KCNN2: variants seen among roughly 807,000 people sequenced by gnomAD.
The protein encoded by KCNN2 is small conductance calcium-activated potassium channel protein 2.
In KCNN2, 24 loss-of-function variants were observed where a neutral mutation model predicts 55.5. That is an observed-to-expected ratio of 0.43 (90% confidence interval 0.31 to 0.61). The LOEUF (loss-of-function observed/expected upper bound fraction) is 0.61. KCNN2 is among the 20% of genes least tolerant of loss of function. KCNN2 has a pLI of 0.08. For synonymous variants in KCNN2, 431 were observed against 336.1 expected (o/e 1.28, Z -3.09); for missense variants, 754 against 853.6 (o/e 0.88, Z 1.45).
intron 2 of KCNN2, among the ~76,000 whole-genome samples, chr5:114,322,252 ATTC>A (rs1756628016): frequency 6.6e-6 from 1 of 152,220 alleles, no homozygotes; most frequent in African/African-American, 2.4e-5. Context: ...AGACATTAAA[ATTC>A]TTCTAGACCA....
chr5:114,495,068 C>T (rs1280407841), intron 7 of KCNN2, among the ~76,000 whole-genome samples: 1 of 152,122 alleles, frequency 6.6e-6, no homozygotes, highest in African/African-American at 2.4e-5. Context: ...CTCTTTGTCT[C>T]TTGGCTACTC....
chr5:114,171,559 A>G (rs967906633), intron 1 of KCNN2, among the ~76,000 whole-genome samples: 1 of 151,830 alleles, frequency 6.6e-6, no homozygotes, highest in African/African-American at 2.4e-5. Flanking sequence ...TATGTTTAGG[A>G]CTTATCGCTC....
intron 1 of KCNN2, among the ~76,000 whole-genome samples, chr5:114,177,556 G>A (rs10066191): frequency 0.89 from 134,378 of 151,640 alleles, 59,580 homozygotes; most frequent in East Asian, 0.94. Flanking sequence ...ATTTCATACA[G>A]TTGTTGGTGA....
chr5:114,341,299 C>T (rs1270038067), intron 2 of KCNN2, among the ~76,000 whole-genome samples: 2 of 152,174 alleles, frequency 1.3e-5, no homozygotes, highest in South Asian at 4.1e-4. Context: ...TACATAGATA[C>T]TAAATTCATG....
chr5:114,193,526 C>A (rs534576514), intron 1 of KCNN2, among the ~76,000 whole-genome samples: 1 of 152,140 alleles, frequency 6.6e-6, no homozygotes, highest in Non-Finnish European at 1.5e-5. Flanking sequence ...TATTCAGATT[C>A]TTCTCAACTC....
At chr5:114,464,741 G>C (rs368067749) in intron 4 of KCNN2, among the ~76,000 whole-genome samples, 7 of 152,006 alleles carry the variant, frequency 4.6e-5, no homozygotes, top group African/African-American at 1.7e-4. Flanking sequence ...AGAAAATATA[G>C]TTTGGGGGCA....
chr5:114,110,514 A>C (rs941301126), intron 1 of KCNN2, among the ~76,000 whole-genome samples: 1 of 152,010 alleles, frequency 6.6e-6, no homozygotes. Flanking sequence ...AGAATCCAAA[A>C]ATATTGTAGA....
chr5:114,135,766 CTT>C, intron 1 of KCNN2, among the ~76,000 whole-genome samples: 1 of 152,192 alleles, frequency 6.6e-6, no homozygotes, highest in African/African-American at 2.4e-5. Context: ...AAAGTGAACA[CTT>C]TGAAATATGG....
chr5:114,429,822 T>A (rs1040163750), intron 3 of KCNN2, among the ~76,000 whole-genome samples: 10 of 143,736 alleles, frequency 7.0e-5, no homozygotes, highest in African/African-American at 2.7e-4. Context: ...TAGATGCTTT[T>A]TTTTTTTTTT....
chr5:114,270,869 C>CTG (rs1755315732), intron 2 of KCNN2, among the ~76,000 whole-genome samples: 1 of 152,126 alleles, frequency 6.6e-6, no homozygotes, highest in Non-Finnish European at 1.5e-5. Flanking sequence ...GATGTGTCCA[C>CTG]AGTTTCTTCC....
At chr5:114,129,507 G>A (rs577844503) in intron 1 of KCNN2, among the ~76,000 whole-genome samples, 2 of 152,286 alleles carry the variant, frequency 1.3e-5, no homozygotes, top group African/African-American at 4.8e-5. Flanking sequence ...AATTCTGTCT[G>A]TGGTCACAAA....
intron 2 of KCNN2, among the ~76,000 whole-genome samples, chr5:114,364,654 G>C (rs1465049218): frequency 2.1e-5 from 3 of 145,534 alleles, no homozygotes; most frequent in Non-Finnish European, 4.5e-5. Flanking sequence ...TTGTTTAAAT[G>C]CAGCCAGGAG....
chr5:114,135,650 T>C lies in KCNN2; in HGVS notation c.-271+79150T>C, dbSNP rs1337415782. On this transcript the variant is annotated intron_variant, in intron 1 of 10. Coordinates refer to the KCNN2 transcript ENST00000512097. ...CATCCCACAGAATTTCCAGTTAGTTTTTCTGATGTGAGCAGATAGGCAATA... is the reference window on the plus strand; with the variant it reads ...CATCCCACAGAATTTCCAGTTAGTTCTTCTGATGTGAGCAGATAGGCAATA... Among the ~76,000 whole-genome samples, 3 of 152,336 alleles carry C rather than the reference T, an allele frequency of 2.0e-5. No homozygotes were observed. The East Asian group carries it at 5.8e-4, about 29-fold the overall frequency.
intron 3 of KCNN2, among the ~76,000 whole-genome samples, chr5:114,443,688 C>G (rs1028057919): frequency 6.6e-6 from 1 of 152,188 alleles, no homozygotes; most frequent in African/African-American, 2.4e-5. Flanking sequence ...ATTTTAGAAG[C>G]TCTTAAAATT....
At chr5:114,134,620 C>G (rs1289672076) in intron 1 of KCNN2, among the ~76,000 whole-genome samples, 1 of 151,880 alleles carries the variant, frequency 6.6e-6, no homozygotes, top group African/African-American at 2.4e-5. Flanking sequence ...GGATTACAGG[C>G]GCCTGCCACG....
intron 1 of KCNN2, among the ~76,000 whole-genome samples, chr5:114,175,992 G>A (rs1340328881): frequency 2.6e-5 from 4 of 152,104 alleles, no homozygotes; most frequent in Non-Finnish European, 5.9e-5. Context: ...TTTCTTATTG[G>A]AGATAATTAC....
intron 2 of KCNN2, among the ~76,000 whole-genome samples, chr5:114,321,769 A>G (rs558134331): frequency 6.6e-6 from 1 of 152,066 alleles, no homozygotes; most frequent in African/African-American, 2.4e-5. Flanking sequence ...TCCTGGGCTC[A>G]AGTGATTCTC....
rs375268146 is a variant in KCNN2, at chr5:114,191,117, G to A, written c.-270-30363G>A. Among the ~76,000 whole-genome samples, 11 of 152,106 alleles carry A rather than the reference G, an allele frequency of 7.2e-5. No homozygotes were observed. The South Asian group carries it at 2.3e-3, about 32-fold the overall frequency. On this transcript the variant is annotated intron_variant, in intron 1 of 10. Transcript: ENST00000512097. ...ATAGATGTAAAGAACTTAGAATACC[G>A]GCCACACTATAAATTGTATGAATTA...
At chr5:114,099,294 A>C (rs1751327316) in intron 1 of KCNN2, among the ~76,000 whole-genome samples, 1 of 152,104 alleles carries the variant, frequency 6.6e-6, no homozygotes, top group Non-Finnish European at 1.5e-5. Flanking sequence ...TAGCAAGATT[A>C]TAGCATTATA....
Sources: allele counts gnomAD v4.1 joint callset (sites outside exome capture counted in the v4.1 genomes callset), GRCh38; gene constraint gnomAD v4.1.1; transcripts MANE v1.5; gene names NCBI Gene and HGNC (gene_info 2026-07-23, HGNC 2026-07-21).